RGS7: variants seen among roughly 807,000 people sequenced by gnomAD.
RGS7 encodes regulator of G-protein signaling 7.
A neutral mutation model predicts 81.1 loss-of-function variants in RGS7; 27 were observed. The ratio of observed to expected loss-of-function variants is 0.33; its 90% confidence interval spans 0.25 to 0.46. The LOEUF is 0.46. Ranked by LOEUF, RGS7 falls within the 20% of genes least tolerant of loss-of-function variation. The probability of loss-of-function intolerance (pLI) is 1.00; values close to 1 mark genes in which losing one functional copy is unlikely to be tolerated. For missense variants in RGS7, 396 were observed against 607.4 expected, an observed-to-expected ratio of 0.65 and a Z score of 3.66; for synonymous variants, 208 against 207.7, an observed-to-expected ratio of 1.00 and a Z score of -0.01.
At chr1:241,263,070 G>C (rs1008672336) in intron 2 of RGS7, among the ~76,000 whole-genome samples, 1 of 152,046 alleles carries the variant, frequency 6.6e-6, no homozygotes, top group Non-Finnish European at 1.5e-5. Context: ...CTGCACTCCA[G>C]CCTGGGCGAA....
chr1:241,310,663 A>G (rs1446764256), intron 2 of RGS7, among the ~76,000 whole-genome samples: 5 of 152,058 alleles, frequency 3.3e-5, no homozygotes, highest in African/African-American at 4.8e-5. Context: ...ATGACTGCCC[A>G]TGTAAAGGAG....
chr1:241,263,285 A>T (rs1052479367), intron 2 of RGS7, among the ~76,000 whole-genome samples: 2 of 151,280 alleles, frequency 1.3e-5, no homozygotes, highest in Admixed American at 6.6e-5. Context: ...TCAAAAGAAA[A>T]ATATATATAT....
intron 2 of RGS7, among the ~76,000 whole-genome samples, chr1:241,161,051 C>T (rs1004196677): frequency 8.6e-5 from 11 of 127,514 alleles, no homozygotes; most frequent in African/African-American, 3.7e-4. Flanking sequence ...CTAATAACAC[C>T]CAAACCACCT....
intron 6 of RGS7, among the ~76,000 whole-genome samples, chr1:240,893,394 G>A (rs1244615289): frequency 6.6e-6 from 1 of 152,152 alleles, no homozygotes; most frequent in Non-Finnish European, 1.5e-5. Context: ...GTTTTTATAT[G>A]TAAGAGCTCG....
intron 6 of RGS7, among the ~76,000 whole-genome samples, chr1:240,872,138 G>GCAGA (rs1173335793): frequency 6.6e-6 from 1 of 152,134 alleles, no homozygotes; most frequent in Non-Finnish European, 1.5e-5. Context: ...GAAGGTGCGG[G>GCAGA]CAGACAGTGC....
intron 6 of RGS7, among the ~76,000 whole-genome samples, chr1:240,871,119 C>T (rs1312446197): frequency 1.3e-5 from 2 of 152,292 alleles, no homozygotes; most frequent in African/African-American, 4.8e-5. Flanking sequence ...GCATTCACAG[C>T]CCTCTGGTAG....
At chr1:241,059,710 A>T (rs940254473) in intron 3 of RGS7, among the ~76,000 whole-genome samples, 1 of 150,922 alleles carries the variant, frequency 6.6e-6, no homozygotes, top group Non-Finnish European at 1.5e-5. Context: ...TCTCTTCACA[A>T]AGAACTCTGC....
At chr1:241,355,906 C>G in intron 1 of RGS7, 80 bp from the exon 2 acceptor site, 5 of 778,196 alleles carry the variant, frequency 6.4e-6, no homozygotes, top group South Asian at 5.7e-5. Context: ...GCACCCACCC[C>G]ACATGGCGCG....
At chr1:241,126,144 AT>A (rs1249210981) in intron 2 of RGS7, among the ~76,000 whole-genome samples, 6 of 150,486 alleles carry the variant, frequency 4.0e-5, no homozygotes, top group Non-Finnish European at 8.8e-5. Context: ...TTATTTATTT[AT>A]TTATTATTAT....
At chr1:240,955,740 C>A (rs1394862325) in intron 4 of RGS7, among the ~76,000 whole-genome samples, 1 of 152,040 alleles carries the variant, frequency 6.6e-6, no homozygotes, top group African/African-American at 2.4e-5. Context: ...GACAAAGGAG[C>A]AGAAACAATT....
intron 3 of RGS7, among the ~76,000 whole-genome samples, chr1:241,053,795 A>G (rs562613318): frequency 6.6e-6 from 1 of 152,280 alleles, no homozygotes; most frequent in African/African-American, 2.4e-5. Flanking sequence ...TTCTCATGGT[A>G]GTGAATAAGT....
chr1:241,037,267 C>T (rs1368093497), intron 3 of RGS7, among the ~76,000 whole-genome samples: 1 of 152,136 alleles, frequency 6.6e-6, no homozygotes, highest in Non-Finnish European at 1.5e-5. Context: ...CTATCATCTG[C>T]AATACATGTT....
intron 6 of RGS7, among the ~76,000 whole-genome samples, chr1:240,928,100 G>A (rs1046819627): frequency 2.2e-4 from 33 of 152,092 alleles, no homozygotes; most frequent in African/African-American, 6.0e-4. Context: ...TACATTACCC[G>A]TAGCTGTAAC....
intron 2 of RGS7, among the ~76,000 whole-genome samples, chr1:241,227,570 CA>C (rs5782179): frequency 0.026 from 2,680 of 103,676 alleles, 90 homozygotes; most frequent in East Asian, 0.081. Flanking sequence ...CTGTCTCTAC[CA>C]AAAAAAAAAA....
At chr1:240,828,146 T>C (rs1282554624) in intron 9 of RGS7, among the ~76,000 whole-genome samples, 2 of 152,174 alleles carry the variant, frequency 1.3e-5, no homozygotes, top group South Asian at 2.1e-4. Context: ...TAAGGGCAGG[T>C]GAACCCCTTT....
intron 4 of RGS7, among the ~76,000 whole-genome samples, chr1:240,976,767 C>A (rs1389451028): frequency 6.8e-6 from 1 of 147,054 alleles, no homozygotes; most frequent in African/African-American, 2.5e-5. Context: ...ATCTATCTAT[C>A]TATCATCGAT....
At chr1:241,074,879 C>T (rs1161219154) in intron 3 of RGS7, among the ~76,000 whole-genome samples, 2 of 152,130 alleles carry the variant, frequency 1.3e-5, no homozygotes, top group African/African-American at 4.8e-5. Flanking sequence ...GTTTTGGCTG[C>T]ATCACCACTT....
intron 2 of RGS7, among the ~76,000 whole-genome samples, chr1:241,282,914 C>T (rs2078601614): frequency 6.6e-6 from 1 of 152,130 alleles, no homozygotes; most frequent in Non-Finnish European, 1.5e-5. Context: ...CCTTCACCTC[C>T]TATCTGCTTA....
intron 3 of RGS7, among the ~76,000 whole-genome samples, chr1:240,998,026 A>G (rs1687556355): frequency 6.6e-6 from 1 of 152,130 alleles, no homozygotes. Context: ...TCATCTGAGA[A>G]TGTTTTCATT....
Sources: allele counts gnomAD v4.1 joint callset (sites outside exome capture counted in the v4.1 genomes callset), GRCh38; gene constraint gnomAD v4.1.1; transcripts MANE v1.5; gene names NCBI Gene and HGNC (gene_info 2026-07-23, HGNC 2026-07-21).